Variants in CDC5L observed in about 807,000 individuals in gnomAD.
CDC5L encodes the protein cell division cycle 5 like, also known as cell division cycle 5-like protein.
In CDC5L, 18 loss-of-function variants were observed where a neutral mutation model predicts 104.1. The ratio of observed to expected loss-of-function variants is 0.17; its 90% CI spans 0.12 to 0.26. The LOEUF is 0.26. Among genes scored for constraint, CDC5L ranks in the 10% least tolerant of loss-of-function variants. The probability of loss-of-function intolerance (pLI) is 1.00; values close to 1 mark genes in which losing one functional copy is unlikely to be tolerated. For missense variants in CDC5L, 673 were observed against 956.9 expected (o/e 0.70, Z 3.91); for synonymous variants, 331 against 322.7 (o/e 1.03, Z -0.28).
Position 44,446,593 on chromosome 6 carries a change from T to A in CDC5L, c.2305-14T>A, listed in dbSNP as rs1458369205. On this transcript the variant is annotated splice_polypyrimidine_tract_variant and intron_variant, in intron 15 of 15. Coordinates refer to ENST00000371477, the MANE Select transcript of CDC5L (RefSeq NM_001253.4). ...GTTACATCTAAAATAATTACTTAAT[T>A]TTTTTTCTTTAAGTGTCTAAAAGAA... 7.4e-7 allele frequency: 1 copy of A among 1,357,774 alleles called. No individual in the cohort carries two copies. Among genetic ancestry groups the A allele is most frequent in the African/African-American group, 1.5e-5 (1 of 67,858 alleles). The allele number at this position is 1,357,774 out of a possible 1,614,324, so 84.1% of individuals were successfully genotyped here.
At chr6:44,393,423 A>G (rs751004047) in intron 3 of CDC5L, 23 bp from the exon 4 acceptor site, 23 of 1,609,900 alleles carry the variant, frequency 1.4e-5, no homozygotes, top group South Asian at 3.3e-5. Flanking sequence ...TAGTGTGACT[A>G]ACTCCTATGG....
Position 44,387,812 on chromosome 6 carries a change from C to A in CDC5L, c.-12C>A, listed in dbSNP as rs1302388841. 4 of 1,560,942 alleles carry A rather than the reference C, an allele frequency of 2.6e-6. No homozygotes were observed. In the East Asian group the frequency reaches 9.6e-5, roughly 37 times the overall value. On this transcript the variant is annotated 5_prime_UTR_variant, in exon 1 of 16. Coordinates refer to ENST00000371477, the MANE Select transcript of CDC5L (RefSeq NM_001253.4). ...TCCTCTCGGCTGCTTGCCGAGACAC[C>A]CTGCCGCCAAGATGCCTCGAATTAT...
chr6:44,445,621 A>C (rs1261393984), intron 14 of CDC5L, 34 bp from the exon 15 acceptor site: 1 of 1,498,346 alleles, frequency 6.7e-7, no homozygotes, highest in Non-Finnish European at 9.2e-7. Context: ...TGCTTTTCTC[A>C]TGTATGCTGA....
At chr6:44,429,980 G>A in intron 14 of CDC5L, 70 bp downstream of exon 14, 2 of 1,240,622 alleles carry the variant, frequency 1.6e-6, no homozygotes, top group Non-Finnish European at 1.1e-6. Context: ...TAATGCCACT[G>A]GAGACAATGT....
intron 7 of CDC5L, among the ~76,000 whole-genome samples, chr6:44,407,530 T>C (rs1791428467): frequency 6.6e-6 from 1 of 152,208 alleles, no homozygotes; most frequent in Non-Finnish European, 1.5e-5. Context: ...TTTCACCATG[T>C]TGGCCAGGAT....
At chr6:44,418,059 T>C (rs1404569893) in intron 8 of CDC5L, among the ~76,000 whole-genome samples, 1 of 152,206 alleles carries the variant, frequency 6.6e-6, no homozygotes, top group African/African-American at 2.4e-5. Flanking sequence ...GTCTGTTACA[T>C]ATGTATACAT....
intron 14 of CDC5L, among the ~76,000 whole-genome samples, chr6:44,440,259 T>G (rs918975659): frequency 6.6e-6 from 1 of 151,304 alleles, no homozygotes; most frequent in African/African-American, 2.4e-5. Flanking sequence ...TTTTTTTTTT[T>G]GAGATGGAAT....
At chr6:44,404,413 G>A (rs1791269823) in intron 6 of CDC5L, among the ~76,000 whole-genome samples, 1 of 152,078 alleles carries the variant, frequency 6.6e-6, no homozygotes, top group South Asian at 2.1e-4. Context: ...GGGATTATAG[G>A]CATCAGTTAC....
At chr6:44,437,404 G>A (rs1024102466) in intron 14 of CDC5L, among the ~76,000 whole-genome samples, 7 of 152,150 alleles carry the variant, frequency 4.6e-5, no homozygotes, top group African/African-American at 1.7e-4. Flanking sequence ...AATATTAAAA[G>A]CTGTAGTCCA....
At chr6:44,408,337 A>G in intron 7 of CDC5L, 107 bp from the exon 8 acceptor site, 1 of 744,342 alleles carries the variant, frequency 1.3e-6, no homozygotes, top group South Asian at 2.2e-5. Context: ...CCTGGGCTCA[A>G]ACAGTTTGCC....
intron 8 of CDC5L, among the ~76,000 whole-genome samples, chr6:44,415,078 A>G (rs1355219027): frequency 3.3e-5 from 5 of 152,326 alleles, no homozygotes; most frequent in Admixed American, 6.5e-5. Flanking sequence ...AAAAAAATCA[A>G]TTGACCATTA....
Position 44,404,036 on chromosome 6 carries a change from C to T in CDC5L, c.758+9C>T. 1 of 1,595,874 alleles carries T rather than the reference C, an allele frequency of 6.3e-7. No individual in the cohort carries two copies. The highest frequency in any genetic ancestry group is 1.4e-5 in the African/African-American group (1 of 73,838). ...GATGGGGAGCTAAGATCGTAAGTTG[C>T]CTTTCTGATTTTGGAAATGGAAAGG... On this transcript the variant is annotated intron_variant, in intron 6 of 15. Coordinates refer to ENST00000371477, the MANE Select transcript of CDC5L (RefSeq NM_001253.4).
intron 8 of CDC5L, among the ~76,000 whole-genome samples, chr6:44,415,168 A>G (rs985765717): frequency 1.3e-5 from 2 of 152,214 alleles, no homozygotes; most frequent in African/African-American, 4.8e-5. Flanking sequence ...CACTGTCTTA[A>G]TTCCTATAGC....
intron 5 of CDC5L, among the ~76,000 whole-genome samples, chr6:44,398,088 G>A (rs191187988): frequency 1.3e-5 from 2 of 152,188 alleles, no homozygotes; most frequent in Non-Finnish European, 2.9e-5. Context: ...TCCTGGGATG[G>A]AGGGTTTTTT....
At chr6:44,389,830 G>T (rs2153373066) in intron 1 of CDC5L, among the ~76,000 whole-genome samples, 1 of 152,198 alleles carries the variant, frequency 6.6e-6, no homozygotes, top group East Asian at 1.9e-4. Context: ...GGGAAAGGTA[G>T]ATGTTTCAAG....
chr6:44,390,041 T>G (rs951191284), intron 1 of CDC5L, among the ~76,000 whole-genome samples: 4 of 152,170 alleles, frequency 2.6e-5, no homozygotes, highest in African/African-American at 9.7e-5. Flanking sequence ...GAGTGTGGTG[T>G]AAGGGTGGGT....
chr6:44,425,256 A>C (rs11572017), intron 11 of CDC5L, among the ~76,000 whole-genome samples: 1 of 152,198 alleles, frequency 6.6e-6, no homozygotes. Flanking sequence ...GCCGACATGA[A>C]GCTCAAAAGA....
At chr6:44,430,048 T>C in intron 14 of CDC5L, 138 bp downstream of exon 14, 1 of 644,536 alleles carries the variant, frequency 1.6e-6, no homozygotes, top group Non-Finnish European at 2.7e-6. Context: ...AAACTACACT[T>C]AAGTGTTGGA....
intron 5 of CDC5L, 99 bp downstream of exon 5, chr6:44,396,539 TC>T (rs1561967880): frequency 1.5e-6 from 1 of 679,510 alleles, no homozygotes; most frequent in Non-Finnish European, 2.5e-6. Context: ...TTTTTTTTTT[TC>T]CCCTCTCCAC....
Sources: allele counts gnomAD v4.1 joint callset (sites outside exome capture counted in the v4.1 genomes callset), GRCh38; gene constraint gnomAD v4.1.1; transcripts MANE v1.5; gene names NCBI Gene and HGNC (gene_info 2026-07-23, HGNC 2026-07-21).